KCND2: variants seen among roughly 807,000 people sequenced by gnomAD.
The protein encoded by KCND2 is potassium voltage-gated channel subfamily D member 2.
Under a neutral mutation model 54.4 loss-of-function variants are expected in KCND2, and 16 were observed. That is an observed-to-expected ratio of 0.29 (90% confidence interval 0.20 to 0.45). The LOEUF is 0.45. Among genes scored for constraint, KCND2 ranks in the 20% least tolerant of loss-of-function variants. The pLI, the probability that KCND2 is intolerant of heterozygous loss-of-function variation, is 1.00. For missense variants in KCND2, 486 were observed against 824.2 expected (o/e 0.59, Z 5.02); for synonymous variants, 317 against 310.7 (o/e 1.02, Z -0.21).
At chr7:120,562,901 G>A (rs1345952192) in intron 1 of KCND2, among the ~76,000 whole-genome samples, 1 of 152,098 alleles carries the variant, frequency 6.6e-6, no homozygotes, top group African/African-American at 2.4e-5. Context: ...GATAATGAAA[G>A]AGAGCATATT....
At chr7:120,468,086 A>G (rs1802404904) in intron 1 of KCND2, among the ~76,000 whole-genome samples, 1 of 152,096 alleles carries the variant, frequency 6.6e-6, no homozygotes, top group Non-Finnish European at 1.5e-5. Flanking sequence ...TTAAAGGAAA[A>G]GTGTATCATA....
At chr7:120,533,426 T>C (rs1044467365) in intron 1 of KCND2, among the ~76,000 whole-genome samples, 2 of 152,244 alleles carry the variant, frequency 1.3e-5, no homozygotes, top group South Asian at 4.1e-4. Flanking sequence ...GATCTGGCAC[T>C]AGGCTAAGGA....
chr7:120,723,164 C>G (rs745635155), intron 1 of KCND2, among the ~76,000 whole-genome samples: 3 of 152,146 alleles, frequency 2.0e-5, no homozygotes, highest in Non-Finnish European at 4.4e-5. Flanking sequence ...GATGAAACCT[C>G]TTGGGACGGA....
intron 1 of KCND2, among the ~76,000 whole-genome samples, chr7:120,457,927 G>A (rs780068711): frequency 2.0e-5 from 3 of 152,102 alleles, no homozygotes; most frequent in South Asian, 2.1e-4. Context: ...TCAGAGTTTC[G>A]AAGGGTTGTG....
intron 1 of KCND2, among the ~76,000 whole-genome samples, chr7:120,716,273 G>T (rs555073939): frequency 1.3e-5 from 2 of 152,108 alleles, no homozygotes; most frequent in African/African-American, 4.8e-5. Flanking sequence ...AAATTAGAAA[G>T]TTATATAAAA....
At chr7:120,554,905 C>G (rs1310151810) in intron 1 of KCND2, among the ~76,000 whole-genome samples, 1 of 152,140 alleles carries the variant, frequency 6.6e-6, no homozygotes, top group African/African-American at 2.4e-5. Flanking sequence ...TTCTCAATTT[C>G]TCCTAATCCC....
intron 1 of KCND2, among the ~76,000 whole-genome samples, chr7:120,701,891 G>GA: frequency 6.6e-6 from 1 of 152,090 alleles, no homozygotes; most frequent in South Asian, 2.1e-4. Context: ...TCTGGACATA[G>GA]AAAAAAGCAG....
At chr7:120,582,916 TC>T (rs915540336) in intron 1 of KCND2, among the ~76,000 whole-genome samples, 5 of 151,734 alleles carry the variant, frequency 3.3e-5, no homozygotes, top group African/African-American at 1.2e-4. Flanking sequence ...GACATTAGTT[TC>T]TCATCCTATC....
chr7:120,435,231 C>T (rs896757769), intron 1 of KCND2, among the ~76,000 whole-genome samples: 3 of 151,086 alleles, frequency 2.0e-5, no homozygotes, highest in Non-Finnish European at 4.4e-5. Flanking sequence ...CTCAGCCTCC[C>T]GAGTAACTGG....
At chr7:120,694,277 T>C (rs2116607228) in intron 1 of KCND2, among the ~76,000 whole-genome samples, 1 of 152,316 alleles carries the variant, frequency 6.6e-6, no homozygotes, top group South Asian at 2.1e-4. Context: ...CTCAGCTTGA[T>C]ATTTTAGGAT....
intron 1 of KCND2, among the ~76,000 whole-genome samples, chr7:120,298,473 A>T (rs1300094160): frequency 6.6e-6 from 1 of 152,204 alleles, no homozygotes; most frequent in Non-Finnish European, 1.5e-5. Context: ...TGTGTTCATG[A>T]TTTTAAATTG....
chr7:120,513,311 A>AACAAAT (rs1178915191), intron 1 of KCND2, among the ~76,000 whole-genome samples: 1 of 152,154 alleles, frequency 6.6e-6, no homozygotes, highest in Non-Finnish European at 1.5e-5. Flanking sequence ...CTTTGAAGTC[A>AACAAAT]ACAAATACAC....
intron 1 of KCND2, among the ~76,000 whole-genome samples, chr7:120,555,486 A>G (rs985926935): frequency 6.6e-6 from 1 of 152,176 alleles, no homozygotes; most frequent in Non-Finnish European, 1.5e-5. Context: ...TAAAGTAACA[A>G]TTGATTGACA....
chr7:120,403,627 G>T (rs1047530579), intron 1 of KCND2, among the ~76,000 whole-genome samples: 2 of 151,426 alleles, frequency 1.3e-5, no homozygotes, highest in African/African-American at 4.9e-5. Flanking sequence ...ACCATGCCAG[G>T]TGATTTTTTT....
chr7:120,421,190 G>T (rs1801616326), intron 1 of KCND2, among the ~76,000 whole-genome samples: 2 of 152,142 alleles, frequency 1.3e-5, no homozygotes, highest in South Asian at 4.1e-4. Context: ...ATGACTGAGG[G>T]GTGATGCTCA....
At chr7:120,628,462 A>AAAT (rs1793188611) in intron 1 of KCND2, among the ~76,000 whole-genome samples, 1 of 151,814 alleles carries the variant, frequency 6.6e-6, no homozygotes, top group East Asian at 1.9e-4. Flanking sequence ...TAGCTGCAAC[A>AAAT]CTGCCAACCA....
intron 1 of KCND2, among the ~76,000 whole-genome samples, chr7:120,640,416 A>T (rs771000514): frequency 7.2e-5 from 11 of 152,202 alleles, no homozygotes; most frequent in Non-Finnish European, 1.5e-4. Flanking sequence ...TCATAAACAT[A>T]AGAGGCATTG....
intron 1 of KCND2, among the ~76,000 whole-genome samples, chr7:120,348,617 T>C (rs1213926108): frequency 6.6e-6 from 1 of 152,184 alleles, no homozygotes; most frequent in Non-Finnish European, 1.5e-5. Flanking sequence ...CTATGCTCTA[T>C]GAAGTCTGAT....
chr7:120,357,035 C>G (rs1800516363), intron 1 of KCND2, among the ~76,000 whole-genome samples: 1 of 152,082 alleles, frequency 6.6e-6, no homozygotes, highest in South Asian at 2.1e-4. Context: ...TCTTTATTTT[C>G]CCATCCTCCA....
Sources: gnomAD v4.1 joint callset for allele counts (sites outside exome capture counted in the v4.1 genomes callset) on GRCh38, gnomAD v4.1.1 for gene constraint, MANE v1.5 for transcripts, NCBI Gene and HGNC (gene_info 2026-07-23, HGNC 2026-07-21) for gene names.